CARM1: variants seen among roughly 807,000 people sequenced by gnomAD.
CARM1 encodes the protein coactivator associated arginine methyltransferase 1.
Under a neutral mutation model 72.7 loss-of-function variants are expected in CARM1, and 14 were observed. The ratio of observed to expected loss-of-function variants is 0.19; its 90% CI spans 0.13 to 0.30. The LOEUF (loss-of-function observed/expected upper bound fraction) is 0.30. Ranked by LOEUF, CARM1 falls within the 10% of genes least tolerant of loss-of-function variation. The pLI, the probability that CARM1 is intolerant of heterozygous loss-of-function variation, is 1.00. For synonymous variants in CARM1, 333 were observed against 345.5 expected (o/e 0.96, Z 0.40); for missense variants, 432 against 833.7 (o/e 0.52, Z 5.93).
intron 1 of CARM1, among the ~76,000 whole-genome samples, chr19:10,902,634 C>G (rs1466814579): frequency 1.4e-5 from 2 of 144,330 alleles, no homozygotes; most frequent in East Asian, 4.1e-4. Flanking sequence ...TTGAGACATG[C>G]TCTTATTCTT....
At position 10,916,220 on chromosome 19, in the gene CARM1, T is replaced by C. The variant is rs1331247213; in HGVS notation, c.848-187T>C. The stretch of plus-strand genomic sequence containing the variant: ...AATTCGTGAGCTGGTGCAGGTCAGG[T>C]ACCCGTGGTGGTGATGAAACACTGA... On this transcript the variant is annotated intron_variant, in intron 6 of 15. Coordinates refer to ENST00000327064, the MANE Select transcript of CARM1 (RefSeq NM_199141.2). This position sits in a 1 kb window ranked among gnomAD's most constrained non-coding sequence, Gnocchi z 4.4. Among the ~76,000 whole-genome samples, 1 of 152,132 alleles carries C rather than the reference T, an allele frequency of 6.6e-6. No homozygotes were observed. Among genetic ancestry groups the C allele is most frequent in the African/African-American group, 2.4e-5 (1 of 41,432 alleles).
chr19:10,921,407 C>T lies in CARM1; in HGVS notation c.1648C>T (p.Arg550Trp), dbSNP rs764885947. The T allele has an allele frequency of 5.6e-6, 9 of 1,610,110 alleles. No individual in the cohort carries two copies. Among genetic ancestry groups the T allele is most frequent in the East Asian group, 4.5e-5 (2 of 44,862 alleles). The change falls in exon 15 of 16, where the codon CGG becomes TGG. Residue 550 changes from arginine (R) to tryptophan (W), a missense_variant. Physicochemically the swap from Arg to Trp is moderately radical, Grantham distance 101. Transcript: ENST00000327064. The stretch of plus-strand genomic sequence containing the variant: ...GGGGATTGTCAATCACACCCACTCC[C>T]GGATGGGCTCCATAATGAGCACGGG... ...NTGIVNHTHS[R>W]MGSIMSTGIV...
At chr19:10,907,082 T>C (rs2074111377) in intron 2 of CARM1, among the ~76,000 whole-genome samples, 1 of 151,446 alleles carries the variant, frequency 6.6e-6, no homozygotes, top group African/African-American at 2.4e-5. Context: ...AATTTCTGTA[T>C]TTTTAATAGA....
At chr19:10,914,618 C>T (rs1036298233) in intron 6 of CARM1, among the ~76,000 whole-genome samples, 63 of 152,180 alleles carry the variant, frequency 4.1e-4, no homozygotes, top group African/African-American at 1.5e-3. Context: ...TGCAGTGGTG[C>T]GATCTCGGCT....
intron 1 of CARM1, among the ~76,000 whole-genome samples, chr19:10,875,343 A>T (rs1292096047): frequency 1.3e-5 from 2 of 151,304 alleles, no homozygotes; most frequent in Non-Finnish European, 1.5e-5. Context: ...TTTTTTTTTT[A>T]AAGTGAGATG....
At position 10,909,217 on chromosome 19, in the gene CARM1, C is replaced by T; in HGVS notation, c.558+10C>T. 6.4e-7 allele frequency: 1 copy of T among 1,563,398 alleles called. No homozygotes were observed. Among genetic ancestry groups the T allele is most frequent in the Non-Finnish European group, 8.8e-7 (1 of 1,134,044 alleles). ...CGACTTCAAGGACAAGGTGAGTGGC[C>T]CGCGCATGTGCCCACCTCTCTGCTT... On this transcript the variant is annotated intron_variant, in intron 4 of 15. Transcript: ENST00000327064.
At chr19:10,902,290 C>CTTTTTTT (rs869120010) in intron 1 of CARM1, among the ~76,000 whole-genome samples, 3 of 114,782 alleles carry the variant, frequency 2.6e-5, no homozygotes, top group Non-Finnish European at 3.5e-5. Flanking sequence ...ATTGTTGTTT[C>CTTTTTTT]TTTTTTTTTT....
chr19:10,920,713 C>T lies in CARM1; in HGVS notation c.1389C>T (p.Ser463=). 1 of 1,614,148 alleles carries T rather than the reference C, an allele frequency of 6.2e-7. No homozygotes were observed. The highest frequency in any genetic ancestry group is 8.5e-7 in the Non-Finnish European group (1 of 1,180,016). Residue 463 remains serine (S), a synonymous_variant, in exon 12 of 16, where the codon TCC becomes TCT. Coordinates refer to ENST00000327064, the MANE Select transcript of CARM1 (RefSeq NM_199141.2). The surrounding 1 kb of genome is among the most constrained non-coding windows in gnomAD (Gnocchi z 5.3). The part of the protein sequence containing the change: ...VAQVDQTGSK[S]SNLLDLKNPF... ...AGGTGGACCAGACCGGCTCCAAGTC[C>T]AGTAACCTCCTGGATCTGAAAAACC...
intron 1 of CARM1, among the ~76,000 whole-genome samples, chr19:10,888,544 G>A (rs542241991): frequency 5.9e-5 from 9 of 152,186 alleles, no homozygotes; most frequent in South Asian, 2.1e-4. Context: ...GTCTTGGCCC[G>A]CGGGAGAAGA....
At chr19:10,914,209 C>G (rs1183321881) in intron 6 of CARM1, among the ~76,000 whole-genome samples, 155 bp downstream of exon 6, 1 of 152,182 alleles carries the variant, frequency 6.6e-6, no homozygotes. Flanking sequence ...AACCCCACTC[C>G]AGCCAGCTGT....
At chr19:10,906,478 G>A (rs938469896) in intron 2 of CARM1, among the ~76,000 whole-genome samples, 3 of 152,018 alleles carry the variant, frequency 2.0e-5, no homozygotes, top group African/African-American at 4.8e-5. Flanking sequence ...TTTTTGAGAC[G>A]GAGTCTCGCT....
intron 8 of CARM1, among the ~76,000 whole-genome samples, chr19:10,917,767 G>A (rs2074210090): frequency 6.7e-6 from 1 of 148,276 alleles, no homozygotes; most frequent in African/African-American, 2.5e-5. Context: ...GCCCAGGCTG[G>A]AGTGCTGTGG....
At chr19:10,886,065 T>C (rs1207860375) in intron 1 of CARM1, among the ~76,000 whole-genome samples, 2 of 149,166 alleles carry the variant, frequency 1.3e-5, no homozygotes, top group Non-Finnish European at 3.0e-5. Flanking sequence ...TCTTTTTTTT[T>C]TTTTTTTTGA....
rs918090350 is a variant in CARM1 at position 10,914,066 on chromosome 19, G to C, written c.847+12G>C. The stretch of plus-strand genomic sequence containing the variant: ...CCTGAAGCCCAGCGGTGAGCACTGG[G>C]GGGTACACAGGCCAGGCCCCTCGGT... On this transcript the variant is annotated intron_variant, in intron 6 of 15. Coordinates refer to ENST00000327064, the MANE Select transcript of CARM1 (RefSeq NM_199141.2). The C allele has an allele frequency of 2.5e-6, 4 of 1,606,830 alleles. No homozygotes were observed. The highest frequency in any genetic ancestry group is 3.4e-6 in the Non-Finnish European group (4 of 1,177,084).
chr19:10,905,112 CCAAA>C (rs1217504032), intron 2 of CARM1, 36 bp downstream of exon 2: 1 of 1,606,256 alleles, frequency 6.2e-7, no homozygotes, highest in African/African-American at 1.3e-5. Flanking sequence ...TGACACCAGC[CCAAA>C]GCGCCCAGAG....
chr19:10,898,092 C>A (rs552030799), intron 1 of CARM1, among the ~76,000 whole-genome samples: 1 of 146,580 alleles, frequency 6.8e-6, no homozygotes, highest in Admixed American at 6.9e-5. Flanking sequence ...TGGGAGACAG[C>A]GAGACTCCGT....
intron 1 of CARM1, among the ~76,000 whole-genome samples, chr19:10,880,298 G>T (rs1945422034): frequency 6.6e-6 from 1 of 152,176 alleles, no homozygotes; most frequent in African/African-American, 2.4e-5. Context: ...GTGGCGAGTT[G>T]AGGCTGGGAG....
chr19:10,921,720 T>C lies in CARM1; in HGVS notation c.1790T>C (p.Met597Thr), dbSNP rs1240301666. Reference sequence around the variant, plus strand: ...CCCGCCATCTCCATGGCGTCGCCCATGTCCATCCCGACCAACACCATGCAC... The same window carrying C: ...CCCGCCATCTCCATGGCGTCGCCCACGTCCATCCCGACCAACACCATGCAC... Reference protein sequence around the residue: ...GGPAISMASPMSIPTNTMHYG... With the variant: ...GGPAISMASPTSIPTNTMHYG... The change falls in exon 16 of 16, where the codon ATG becomes ACG. Residue 597 changes from methionine to threonine, a missense_variant. Met to Thr is a moderately conservative substitution (Grantham distance 81, BLOSUM62 -1). Transcript: ENST00000327064. The C allele has an allele frequency of 3.1e-6, 5 of 1,613,178 alleles. No homozygotes were observed. Among genetic ancestry groups the C allele is most frequent in the South Asian group, 2.2e-5 (2 of 91,000 alleles).
rs770621696 is a variant in CARM1 at position 10,916,971 on chromosome 19, A to G, written c.1020+194A>G. Reference sequence around the variant, plus strand: ...AGCACACATGCAATACATGTGGAACATTATTAGGTGAGGCTAAGGCAGAGG... The same window carrying G: ...AGCACACATGCAATACATGTGGAACGTTATTAGGTGAGGCTAAGGCAGAGG... On this transcript the variant is annotated intron_variant, in intron 8 of 15. Coordinates refer to ENST00000327064, the MANE Select transcript of CARM1 (RefSeq NM_199141.2). This position sits in a 1 kb window ranked among gnomAD's most constrained non-coding sequence, Gnocchi z 4.4. Among the ~76,000 whole-genome samples the G allele has an allele frequency of 6.6e-6, 1 of 152,146 alleles. No homozygotes were observed. Among genetic ancestry groups the G allele is most frequent in the Non-Finnish European group, 1.5e-5 (1 of 68,028 alleles).
Sources: allele counts gnomAD v4.1 joint callset (sites outside exome capture counted in the v4.1 genomes callset), GRCh38; gene constraint gnomAD v4.1.1; non-coding constraint Gnocchi (gnomAD v3.1); transcripts MANE v1.5; gene names NCBI Gene and HGNC (gene_info 2026-07-23, HGNC 2026-07-21).